CLTCL1: variants seen among roughly 807,000 people sequenced by gnomAD.
CLTCL1 encodes clathrin heavy chain like 1.
A neutral mutation model predicts 190.0 loss-of-function variants in CLTCL1; 159 were observed. That is an observed-to-expected ratio of 0.84 (90% CI 0.74 to 0.95). The LOEUF (loss-of-function observed/expected upper bound fraction) is 0.95, where lower values mean the gene tolerates loss of function less well. CLTCL1 is among the 40% of genes least tolerant of loss of function. The pLI is 0.00. For synonymous variants in CLTCL1, 752 were observed against 769.6 expected (o/e 0.98, Z 0.38); for missense variants, 1,878 against 2,033.4 (o/e 0.92, Z 1.47).
rs541747624 is a variant in CLTCL1, at chr22:19,179,867, C to G, written c.*123G>C. ...ACTCTGCAGGTAGGGTGGGTGGTGACAACGCCCACTACACGCGGAAGTTGT... is the reference window on the plus strand; with the variant it reads ...ACTCTGCAGGTAGGGTGGGTGGTGAGAACGCCCACTACACGCGGAAGTTGT... On this transcript the variant is annotated 3_prime_UTR_variant, in exon 33 of 33. Coordinates refer to ENST00000427926, the MANE Select transcript of CLTCL1 (RefSeq NM_007098.4). 10 of 368,848 alleles carry G rather than the reference C, an allele frequency of 2.7e-5. 1 individual carries two copies. The East Asian group carries it at 5.1e-4, about 19-fold the overall frequency. The allele number at this position is 368,848 out of a possible 1,614,324, so 22.8% of individuals were successfully genotyped here.
chr22:19,281,274 G>A (rs1485309969), intron 1 of CLTCL1, among the ~76,000 whole-genome samples: 5 of 142,776 alleles, frequency 3.5e-5, no homozygotes, highest in African/African-American at 8.0e-5. Flanking sequence ...TAGCCTGGGC[G>A]ACAGAGCGAG....
At chr22:19,214,126 T>G (rs2085314243) in intron 19 of CLTCL1, among the ~76,000 whole-genome samples, 1 of 152,170 alleles carries the variant, frequency 6.6e-6, no homozygotes, top group Non-Finnish European at 1.5e-5. Context: ...TAAGCTGAGT[T>G]CCTTTAGGGC....
rs782315545 is a variant in CLTCL1 at position 19,196,400 on chromosome 22, C to G, written c.4057G>C (p.Glu1353Gln). The change falls in exon 26 of 33, where the codon GAG becomes CAG. Residue 1353 changes from glutamate (E) to glutamine (Q), a missense_variant. Coordinates refer to ENST00000427926, the MANE Select transcript of CLTCL1 (RefSeq NM_007098.4). ...VNIPKVLRAA[E>Q]QAHLWAELVF... ...AGCTCAGCCCACAGGTGTGCCTGCT[C>G]TGCAGCCCTCAGCACCTGGACAAGG... is the stretch of plus-strand genomic sequence containing the variant. 1 of 1,614,058 alleles carries G rather than the reference C, an allele frequency of 6.2e-7. No individual in the cohort carries two copies. The highest frequency in any genetic ancestry group is 8.5e-7 in the Non-Finnish European group (1 of 1,179,900).
chr22:19,279,121 AGTATTTAT>A (rs564014376), intron 1 of CLTCL1, among the ~76,000 whole-genome samples: 90 of 152,174 alleles, frequency 5.9e-4, no homozygotes, highest in African/African-American at 2.0e-3. Context: ...TAGAAGTTAC[AGTATTTAT>A]GTATTTATGT....
chr22:19,192,054 C>T (rs1426651308), intron 26 of CLTCL1, among the ~76,000 whole-genome samples: 1 of 146,316 alleles, frequency 6.8e-6, no homozygotes, highest in South Asian at 2.2e-4. Context: ...TCTTGCTGGG[C>T]GATGTCATCT....
intron 22 of CLTCL1, 190 bp downstream of exon 22, chr22:19,207,964 T>C (rs782414047): frequency 4.2e-6 from 3 of 709,266 alleles, no homozygotes; most frequent in African/African-American, 3.5e-5. Context: ...ATGATAACAG[T>C]AGAAATAAAG....
At chr22:19,260,779 C>CAAA (rs34267370) in intron 2 of CLTCL1, among the ~76,000 whole-genome samples, 58 of 56,910 alleles carry the variant, frequency 1.0e-3, no homozygotes, top group South Asian at 2.3e-3. Context: ...AACTCTGTCT[C>CAAA]AAAAAAAAAA....
At position 19,187,731 on chromosome 22, in the gene CLTCL1, AG is replaced by A. The variant is rs782370649; in HGVS notation, c.4435-4del. The A allele has an allele frequency of 6.2e-7, 1 of 1,612,832 alleles. No homozygotes were observed. On this transcript the variant is annotated splice_region_variant and splice_polypyrimidine_tract_variant and intron_variant, in intron 28 of 32. Transcript: ENST00000427926. ...GCATCGATAGATGCCCTTAAGCCCTAGGAAGACAGCCTTTCTGTGAGGGATG... is the reference window on the plus strand; with the variant it reads ...GCATCGATAGATGCCCTTAAGCCCTAGAAGACAGCCTTTCTGTGAGGGATG...
chr22:19,219,164 T>G (rs2085484772), intron 18 of CLTCL1, among the ~76,000 whole-genome samples: 1 of 130,170 alleles, frequency 7.7e-6, no homozygotes, highest in Admixed American at 7.9e-5. Context: ...ATGTTTTATT[T>G]ATTTATTTAT....
intron 11 of CLTCL1, 125 bp downstream of exon 11, chr22:19,229,713 G>T (rs1039813246): frequency 1.3e-5 from 11 of 873,080 alleles, no homozygotes; most frequent in Non-Finnish European, 1.7e-5. Context: ...AATGTCCACT[G>T]AGAAGTACAA....
At chr22:19,191,956 G>A (rs747504947) in intron 26 of CLTCL1, among the ~76,000 whole-genome samples, 2 of 152,120 alleles carry the variant, frequency 1.3e-5, no homozygotes, top group Non-Finnish European at 2.9e-5. Flanking sequence ...ACCACTCTGG[G>A]TGGACCCTGT....
At chr22:19,184,149 C>A in intron 29 of CLTCL1, 1 of 270,288 alleles carries the variant, frequency 3.7e-6, no homozygotes, top group Non-Finnish European at 7.4e-6. Flanking sequence ...CTGAAGAAGC[C>A]TGCACTTTCT....
Position 19,187,561 on chromosome 22 carries a change from G to A in CLTCL1, c.4602C>T (p.Tyr1534=), listed in dbSNP as rs782482513. Residue 1534 remains tyrosine, a synonymous_variant, in exon 29 of 33, where the codon TAC becomes TAT. Transcript: ENST00000427926. ...GAAACGGGCCCAGGCCACCAACCTT[G>A]TAGAGATGATCCTTCTTGCAGAGCT... ...SVELCKKDHL[Y]KDAMQHAAES... is the part of the protein sequence containing the mutation. 1.2e-6 allele frequency: 2 copies of A among 1,610,906 alleles called. No homozygotes were observed. The highest frequency in any genetic ancestry group is 1.7e-6 in the Non-Finnish European group (2 of 1,178,840).
At chr22:19,233,647 C>A (rs2085987657) in intron 7 of CLTCL1, 25 bp from the exon 8 acceptor site, 1 of 1,604,926 alleles carries the variant, frequency 6.2e-7, no homozygotes, top group South Asian at 1.1e-5. Context: ...AAAAATAGGT[C>A]ATTGTGTTGT....
At chr22:19,263,147 C>G (rs539244351) in intron 2 of CLTCL1, among the ~76,000 whole-genome samples, 2 of 151,756 alleles carry the variant, frequency 1.3e-5, no homozygotes, top group South Asian at 4.2e-4. Context: ...GACAGAGTCT[C>G]TCTCTGTAAC....
At chr22:19,263,817 T>C (rs2087033325) in intron 2 of CLTCL1, among the ~76,000 whole-genome samples, 1 of 152,238 alleles carries the variant, frequency 6.6e-6, no homozygotes, top group Non-Finnish European at 1.5e-5. Context: ...TTATATGCAC[T>C]GGGAAACCAA....
chr22:19,202,517 A>C (rs1601502185), intron 22 of CLTCL1, among the ~76,000 whole-genome samples: 4 of 18,892 alleles, frequency 2.1e-4, no homozygotes, highest in Non-Finnish European at 2.8e-4. Flanking sequence ...TTCCGCCATC[A>C]CGGCACCTCC....
intron 12 of CLTCL1, among the ~76,000 whole-genome samples, 164 bp downstream of exon 12, chr22:19,226,055 G>A (rs1351755820): frequency 6.6e-6 from 1 of 152,224 alleles, no homozygotes; most frequent in South Asian, 2.1e-4. Flanking sequence ...AACTTTGTGC[G>A]TGGGCTGAAT....
At chr22:19,276,302 T>C (rs1235145198) in intron 1 of CLTCL1, among the ~76,000 whole-genome samples, 7 of 152,210 alleles carry the variant, frequency 4.6e-5, no homozygotes, top group African/African-American at 1.7e-4. Context: ...CAAAAGTTTT[T>C]GCTTAAACAT....
Sources: allele counts gnomAD v4.1 joint callset (sites outside exome capture counted in the v4.1 genomes callset), GRCh38; gene constraint gnomAD v4.1.1; transcripts MANE v1.5; gene names NCBI Gene and HGNC (gene_info 2026-07-23, HGNC 2026-07-21).